Variants in ADARB2 observed in about 807,000 individuals in gnomAD.
The protein encoded by ADARB2 is inactive double-stranded RNA-specific editase B2.
Under a neutral mutation model 62.2 loss-of-function variants are expected in ADARB2, and 25 were observed. That is an observed-to-expected ratio of 0.40 (90% CI 0.29 to 0.56). The LOEUF (loss-of-function observed/expected upper bound fraction) is 0.56. Among genes scored for constraint, ADARB2 ranks in the 20% least tolerant of loss-of-function variants. The pLI is 0.43. For missense variants in ADARB2, 1,071 were observed against 1,077.4 expected, an observed-to-expected ratio of 0.99 and a Z score of 0.08; for synonymous variants, 572 against 500.8, an observed-to-expected ratio of 1.14 and a Z score of -1.90.
chr10:1,440,729 A>G (rs1355173445), intron 1 of ADARB2, among the ~76,000 whole-genome samples: 1 of 152,238 alleles, frequency 6.6e-6, no homozygotes, highest in African/African-American at 2.4e-5. Context: ...TGTTAACTGT[A>G]AAGTGGTTCC....
At position 1,178,033 on chromosome 10, in the gene ADARB2, AT is replaced by A. The variant is rs1337466612; in HGVS notation, c.*5159del. 6.6e-6 allele frequency: 1 copy of A among 152,246 alleles called. No homozygotes were observed. Among genetic ancestry groups the A allele is most frequent in the Non-Finnish European group, 1.5e-5 (1 of 68,060 alleles). The allele number at this position is 152,246 out of a possible 1,614,324, so 9.4% of individuals were successfully genotyped here. On this transcript the variant is annotated 3_prime_UTR_variant, in exon 10 of 10. Coordinates refer to ENST00000381312, the MANE Select transcript of ADARB2 (RefSeq NM_018702.4). ...GTTCCTTCTGGTGGGAGGTCAGAACATGTGGACACATTCAGGAGAGTCCAAA... is the reference window on the plus strand; with the variant it reads ...GTTCCTTCTGGTGGGAGGTCAGAACAGTGGACACATTCAGGAGAGTCCAAA...
intron 1 of ADARB2, among the ~76,000 whole-genome samples, chr10:1,567,692 T>C (rs1264770864): frequency 6.6e-6 from 1 of 152,220 alleles, no homozygotes; most frequent in Non-Finnish European, 1.5e-5. Flanking sequence ...TCGAGGCTGC[T>C]GATGCTCGAT....
intron 1 of ADARB2, among the ~76,000 whole-genome samples, chr10:1,568,641 G>C (rs998945400): frequency 6.6e-6 from 1 of 152,106 alleles, no homozygotes; most frequent in Non-Finnish European, 1.5e-5. Flanking sequence ...GAAAGCTGGA[G>C]GTCTTCACAT....
At chr10:1,538,467 C>G (rs4253993) in intron 1 of ADARB2, among the ~76,000 whole-genome samples, 90,138 of 152,098 alleles carry the variant, frequency 0.59, 26,949 homozygotes, top group East Asian at 0.76. Context: ...ATCTGGTAGA[C>G]GAGAGAGAAG....
intron 1 of ADARB2, among the ~76,000 whole-genome samples, chr10:1,588,204 A>G (rs1268767523): frequency 3.3e-5 from 5 of 151,920 alleles, no homozygotes; most frequent in South Asian, 2.1e-4. Context: ...CCTCTCCCCA[A>G]TCCCTCCAGT....
At chr10:1,718,230 G>T (rs1010005310) in intron 1 of ADARB2, among the ~76,000 whole-genome samples, 4 of 152,184 alleles carry the variant, frequency 2.6e-5, no homozygotes, top group African/African-American at 9.7e-5. Context: ...ACAACTGGGG[G>T]AAACTTATAT....
intron 1 of ADARB2, among the ~76,000 whole-genome samples, chr10:1,590,778 C>T (rs573579052): frequency 3.2e-4 from 48 of 152,162 alleles, no homozygotes; most frequent in Non-Finnish European, 6.2e-4. Context: ...GTGAGGTGGA[C>T]GGTGGACGGT....
chr10:1,242,772 C>A (rs1392342258), intron 4 of ADARB2, among the ~76,000 whole-genome samples: 1 of 138,306 alleles, frequency 7.2e-6, no homozygotes, highest in Non-Finnish European at 1.6e-5. Context: ...AACACAGAAA[C>A]ACAGGACAGG....
At position 1,564,742 on chromosome 10, in the gene ADARB2, A is replaced by G. The variant is rs989860639; in HGVS notation, c.100+172309T>C. 3.9e-5 allele frequency among the ~76,000 whole-genome samples: 6 copies of G among 152,060 alleles called. No homozygotes were observed. In the South Asian group the frequency reaches 6.2e-4, roughly 16 times the overall value. ...TCTCACACCAGTTAGAATGGCAATC[A>G]TTAAAAAGTCAGGAAACAACAGGTG... On this transcript the variant is annotated intron_variant, in intron 1 of 9. Coordinates refer to ENST00000381312, the MANE Select transcript of ADARB2 (RefSeq NM_018702.4).
chr10:1,514,840 T>C, intron 1 of ADARB2, among the ~76,000 whole-genome samples: 1 of 152,166 alleles, frequency 6.6e-6, no homozygotes, highest in East Asian at 1.9e-4. Context: ...TGGAAAATTA[T>C]GCAATTTGGC....
intron 1 of ADARB2, among the ~76,000 whole-genome samples, chr10:1,388,909 T>TA (rs1832546504): frequency 6.6e-6 from 1 of 152,200 alleles, no homozygotes; most frequent in African/African-American, 2.4e-5. Flanking sequence ...ACAATATTGA[T>TA]ACTGCAGAAC....
chr10:1,626,545 A>G lies in ADARB2; in HGVS notation c.100+110506T>C, dbSNP rs577149207. ...CCTGGCCCTCCTCCCGTGGCTGTGA[A>G]CTCCCCTGCACGTGTCATGGGAGTT... On this transcript the variant is annotated intron_variant, in intron 1 of 9. Coordinates refer to ENST00000381312, the MANE Select transcript of ADARB2 (RefSeq NM_018702.4). Among the ~76,000 whole-genome samples the G allele has an allele frequency of 4.6e-5, 7 of 151,918 alleles. No individual in the cohort carries two copies. The East Asian group carries it at 1.2e-3, about 25-fold the overall frequency.
At chr10:1,200,941 G>C (rs986106887) in intron 7 of ADARB2, among the ~76,000 whole-genome samples, 1 of 152,100 alleles carries the variant, frequency 6.6e-6, no homozygotes, top group African/African-American at 2.4e-5. Context: ...AGCAATTACT[G>C]CCATCCCCGC....
intron 1 of ADARB2, among the ~76,000 whole-genome samples, chr10:1,609,063 A>G (rs1054329770): frequency 6.6e-6 from 1 of 152,148 alleles, no homozygotes. Flanking sequence ...ACTATAAATT[A>G]AGGCGAAGAT....
chr10:1,202,652 G>A (rs1000005177), intron 7 of ADARB2, among the ~76,000 whole-genome samples: 6 of 152,216 alleles, frequency 3.9e-5, no homozygotes, highest in East Asian at 1.9e-4. Flanking sequence ...AAAGGACCCC[G>A]TGCAGGGCCC....
intron 3 of ADARB2, among the ~76,000 whole-genome samples, chr10:1,287,321 TATA>T (rs1831422980): frequency 5.3e-5 from 8 of 152,266 alleles, no homozygotes. Context: ...TCTTGATACA[TATA>T]CACATTGTGG....
At chr10:1,364,237 A>C (rs1416560020) in intron 2 of ADARB2, among the ~76,000 whole-genome samples, 1 of 152,202 alleles carries the variant, frequency 6.6e-6, no homozygotes, top group East Asian at 1.9e-4. Flanking sequence ...GGGCAATGTC[A>C]AAGGTCAGAG....
At chr10:1,466,741 T>A (rs1267217672) in intron 1 of ADARB2, among the ~76,000 whole-genome samples, 3 of 152,104 alleles carry the variant, frequency 2.0e-5, no homozygotes, top group African/African-American at 7.2e-5. Flanking sequence ...CCAAATCAAG[T>A]TTGAATTTCT....
intron 3 of ADARB2, among the ~76,000 whole-genome samples, chr10:1,352,386 C>T (rs371251291): frequency 6.6e-6 from 1 of 152,180 alleles, no homozygotes; most frequent in Non-Finnish European, 1.5e-5. Flanking sequence ...CCCCACTCCT[C>T]TTCCACTTCC....
Sources: allele counts gnomAD v4.1 joint callset (sites outside exome capture counted in the v4.1 genomes callset), GRCh38; gene constraint gnomAD v4.1.1; transcripts MANE v1.5; gene names NCBI Gene and HGNC (gene_info 2026-07-23, HGNC 2026-07-21).